Variants in USP10 observed in about 807,000 individuals in gnomAD.
USP10 encodes ubiquitin carboxyl-terminal hydrolase 10.
Under a neutral mutation model 84.5 loss-of-function variants are expected in USP10, and 22 were observed. That is an observed-to-expected ratio of 0.26 (90% CI 0.19 to 0.37). USP10 has a LOEUF of 0.37. Ranked by LOEUF, USP10 falls within the 10% of genes least tolerant of loss-of-function variation. The probability of loss-of-function intolerance (pLI) is 1.00; values close to 1 mark genes in which losing one functional copy is unlikely to be tolerated. For synonymous variants in USP10, 454 were observed against 387.6 expected (o/e 1.17, Z -2.01); for missense variants, 1,019 against 998.9 (o/e 1.02, Z -0.27).
intron 1 of USP10, among the ~76,000 whole-genome samples, chr16:84,705,491 A>G (rs1412595670): frequency 1.3e-5 from 2 of 150,976 alleles, no homozygotes; most frequent in African/African-American, 2.4e-5. Context: ...TCGGCCTCCC[A>G]AAGTGCTGGG....
At chr16:84,755,819 AC>A (rs1912470028) in intron 4 of USP10, among the ~76,000 whole-genome samples, 1 of 150,582 alleles carries the variant, frequency 6.6e-6, no homozygotes, top group Non-Finnish European at 1.5e-5. Flanking sequence ...AAAATCAGTC[AC>A]TTGCTGGTCT....
chr16:84,713,358 C>G (rs1040101520), intron 1 of USP10, among the ~76,000 whole-genome samples: 4 of 152,106 alleles, frequency 2.6e-5, no homozygotes, highest in Admixed American at 2.6e-4. Context: ...GGGCCATCTT[C>G]TTACACCCAC....
intron 1 of USP10, among the ~76,000 whole-genome samples, chr16:84,711,555 C>G (rs1221532690): frequency 6.6e-6 from 1 of 152,160 alleles, no homozygotes; most frequent in Non-Finnish European, 1.5e-5. Flanking sequence ...AAATTCTAGT[C>G]TCTAGTTTTT....
At chr16:84,759,976 T>C (rs370441838) in intron 7 of USP10, 30 bp downstream of exon 7, 9 of 1,611,184 alleles carry the variant, frequency 5.6e-6, no homozygotes, top group Non-Finnish European at 7.6e-6. Context: ...GTTGATGCTA[T>C]TACATATTGG....
chr16:84,735,227 G>GTT, intron 2 of USP10, among the ~76,000 whole-genome samples: 1 of 104,774 alleles, frequency 9.5e-6, no homozygotes, highest in Non-Finnish European at 1.9e-5. Flanking sequence ...GTGTGTGTGT[G>GTT]TGTGTGTGTG....
intron 2 of USP10, among the ~76,000 whole-genome samples, chr16:84,737,795 AGTT>A (rs2150809589): frequency 6.6e-6 from 1 of 152,166 alleles, no homozygotes; most frequent in African/African-American, 2.4e-5. Context: ...TCCTCCCCAG[AGTT>A]GTTGAGGAGC....
At position 84,768,228 on chromosome 16, in the gene USP10, C is replaced by A; in HGVS notation, c.1868C>A (p.Ala623Asp). ...TACCAGCAGAGTTCAAAAGAATCTGCCACTTTGCAGCCATTTTTCACGTTG... is the reference window on the plus strand; with the variant it reads ...TACCAGCAGAGTTCAAAAGAATCTGACACTTTGCAGCCATTTTTCACGTTG... ...VVYQQSSKES[A>D]TLQPFFTLQL... The change falls in exon 11 of 14, where the codon GCC becomes GAC. Residue 623 changes from alanine to aspartate, a missense_variant. Physicochemically the swap from Ala to Asp is moderately radical, Grantham distance 126 (BLOSUM62 -2). This residue lies in a region of USP10 where 232 missense variants were observed against 290.1 expected (regional missense o/e 0.80). Transcript: ENST00000219473. 1 of 1,599,774 alleles carries A rather than the reference C, an allele frequency of 6.3e-7. No individual in the cohort carries two copies. The highest frequency in any genetic ancestry group is 8.5e-7 in the Non-Finnish European group (1 of 1,172,262).
intron 4 of USP10, among the ~76,000 whole-genome samples, chr16:84,757,395 GGGTGGGGGTGT>G (rs1256025508): frequency 2.8e-3 from 228 of 82,592 alleles, no homozygotes; most frequent in African/African-American, 4.3e-3. Flanking sequence ...GGAATGAGAG[GGGTGGGGGTGT>G]GTGTGTGTGT....
intron 1 of USP10, among the ~76,000 whole-genome samples, chr16:84,714,752 T>C (rs375961307): frequency 2.0e-4 from 30 of 152,082 alleles, no homozygotes; most frequent in African/African-American, 7.2e-4. Context: ...ACGTCCTTAA[T>C]TCATTGATTA....
chr16:84,752,297 C>T (rs1302705422), intron 4 of USP10, among the ~76,000 whole-genome samples: 1 of 152,084 alleles, frequency 6.6e-6, no homozygotes, highest in African/African-American at 2.4e-5. Flanking sequence ...TAAATTATAC[C>T]AACCATGATG....
At chr16:84,762,328 C>T (rs1253587439) in intron 8 of USP10, among the ~76,000 whole-genome samples, 1 of 152,228 alleles carries the variant, frequency 6.6e-6, no homozygotes, top group Non-Finnish European at 1.5e-5. Flanking sequence ...TGGCCCTAGA[C>T]ATCTAGTTCT....
chr16:84,700,145 G>A, intron 1 of USP10, 34 bp downstream of exon 1: 1 of 1,267,364 alleles, frequency 7.9e-7, no homozygotes. Context: ...GCCGGAAGGG[G>A]CCCGAGCCCC....
chr16:84,755,747 A>G (rs1912457325), intron 4 of USP10, among the ~76,000 whole-genome samples: 1 of 151,448 alleles, frequency 6.6e-6, no homozygotes, highest in South Asian at 2.1e-4. Flanking sequence ...GGAGTGAGCT[A>G]GGATGGTGCC....
At position 84,779,274 on chromosome 16, in the gene USP10, A is replaced by G; in HGVS notation, c.*192A>G. 1.8e-6 allele frequency: 1 copy of G among 554,336 alleles called. No individual in the cohort carries two copies. The highest frequency in any genetic ancestry group is 3.1e-6 in the Non-Finnish European group (1 of 325,754). The allele number at this position is 554,336 out of a possible 1,614,324, so 34.3% of individuals were successfully genotyped here. A position where few individuals can be genotyped will look rare whatever the true frequency, so the allele number is the denominator to read the frequency against. ...TCTGTTGACTCTAACTTCCAAATCAAAATCATTTGGTTGAAACAGACTGTT... is the reference window on the plus strand; with the variant it reads ...TCTGTTGACTCTAACTTCCAAATCAGAATCATTTGGTTGAAACAGACTGTT... On this transcript the variant is annotated 3_prime_UTR_variant, in exon 14 of 14. Transcript: ENST00000219473.
At chr16:84,761,915 T>C (rs1404338423) in intron 8 of USP10, among the ~76,000 whole-genome samples, 3 of 152,258 alleles carry the variant, frequency 2.0e-5, no homozygotes, top group Non-Finnish European at 4.4e-5. Context: ...TTTGCCCTTT[T>C]CTGCACACGT....
intron 1 of USP10, among the ~76,000 whole-genome samples, chr16:84,711,719 C>CTTTTT (rs10706586): frequency 5.1e-4 from 58 of 114,270 alleles, no homozygotes; most frequent in African/African-American, 1.6e-3. Flanking sequence ...GAAGGGCTAG[C>CTTTTT]TTTTTTTTTT....
Position 84,764,240 on chromosome 16 carries a change from C to G in USP10, c.1809C>G (p.Thr603=). Residue 603 remains threonine, a synonymous_variant, in exon 10 of 14, where the codon ACC becomes ACG. Transcript: ENST00000219473. ...RQADFVQTPI[T]GIFGGHIRSV... Reference sequence around the variant, plus strand: ...CGGATTTTGTTCAGACTCCAATCACCGGCATTTTTGGTGGACACATCAGGT... The same window carrying G: ...CGGATTTTGTTCAGACTCCAATCACGGGCATTTTTGGTGGACACATCAGGT... 1 of 1,614,012 alleles carries G rather than the reference C, an allele frequency of 6.2e-7. No homozygotes were observed. The highest frequency in any genetic ancestry group is 8.5e-7 in the Non-Finnish European group (1 of 1,179,896).
At chr16:84,724,947 T>G (rs887396536) in intron 1 of USP10, among the ~76,000 whole-genome samples, 1 of 152,248 alleles carries the variant, frequency 6.6e-6, no homozygotes, top group Non-Finnish European at 1.5e-5. Context: ...ACCCATAACT[T>G]ACTGGGCTTT....
intron 8 of USP10, among the ~76,000 whole-genome samples, chr16:84,760,507 G>A (rs904270115): frequency 1.4e-4 from 22 of 152,020 alleles, no homozygotes; most frequent in African/African-American, 5.1e-4. Flanking sequence ...TCCTTGTTAC[G>A]GTTAAGAGAA....
Sources: allele counts gnomAD v4.1 joint callset (sites outside exome capture counted in the v4.1 genomes callset), GRCh38; gene constraint gnomAD v4.1.1; regional missense constraint gnomAD v4.1.1; transcripts MANE v1.5; gene names NCBI Gene and HGNC (gene_info 2026-07-23, HGNC 2026-07-21).